Variants in GOLGA3 observed in about 807,000 individuals in gnomAD.
GOLGA3 encodes the protein golgin subfamily A member 3.
GOLGA3 carries 75 observed loss-of-function variants against 169.4 expected under a neutral mutation model. The ratio of observed to expected loss-of-function variants is 0.44; its 90% CI spans 0.37 to 0.54. The LOEUF is 0.54. GOLGA3 is among the 20% of genes least tolerant of loss of function. GOLGA3 has a pLI of 0.00. For synonymous variants in GOLGA3, 824 were observed against 822.4 expected (o/e 1.00, Z -0.03); for missense variants, 1,899 against 1,930.0 (o/e 0.98, Z 0.30).
intron 6 of GOLGA3, 34 bp from the exon 7 acceptor site, chr12:132,805,056 G>A (rs1263262422): frequency 6.3e-7 from 1 of 1,586,948 alleles, no homozygotes; most frequent in Admixed American, 1.7e-5. Flanking sequence ...ATGATTTTAA[G>A]AAAACGAGTC....
intron 15 of GOLGA3, 35 bp downstream of exon 15, chr12:132,786,304 G>C (rs756308334): frequency 1.4e-6 from 2 of 1,436,010 alleles, no homozygotes; most frequent in Non-Finnish European, 9.6e-7. Flanking sequence ...TGAGGGGCTG[G>C]TGACCCTGGC....
At chr12:132,782,919 A>G (rs907542182) in intron 16 of GOLGA3, among the ~76,000 whole-genome samples, 4 of 151,872 alleles carry the variant, frequency 2.6e-5, no homozygotes, top group African/African-American at 9.7e-5. Flanking sequence ...GAAACATCGA[A>G]AACTAAAACA....
intron 16 of GOLGA3, among the ~76,000 whole-genome samples, chr12:132,783,378 C>T (rs1264912218): frequency 6.6e-6 from 1 of 152,186 alleles, no homozygotes; most frequent in East Asian, 1.9e-4. Flanking sequence ...GAAGTCTGTC[C>T]AGGCACTGAG....
At chr12:132,785,220 ACCCCAG>A (rs2045834161) in intron 15 of GOLGA3, among the ~76,000 whole-genome samples, 1 of 152,020 alleles carries the variant, frequency 6.6e-6, no homozygotes, top group African/African-American at 2.4e-5. Flanking sequence ...CGACCTCCCC[ACCCCAG>A]CCCTTAGTGA....
Position 132,769,112 on chromosome 12 carries a change from T to C in GOLGA3, c.*3993A>G, listed in dbSNP as rs1034461220. 1.3e-5 allele frequency: 2 copies of C among 152,410 alleles called. No individual in the cohort carries two copies. The highest frequency in any genetic ancestry group is 4.8e-5 in the African/African-American group (2 of 41,460). The allele number at this position is 152,410 out of a possible 1,614,324, so 9.4% of individuals were successfully genotyped here. A position where few individuals can be genotyped will look rare whatever the true frequency, so the allele number is the denominator to read the frequency against. ...CAAGTAACTCAAAAGCACTGAATTT[T>C]CCAGACCCTCTAACACATTTCCCTC... On this transcript the variant is annotated 3_prime_UTR_variant, in exon 24 of 24. Transcript: ENST00000450791.
Position 132,770,230 on chromosome 12 carries a change from CT to C in GOLGA3, c.*2874del, listed in dbSNP as rs2044837862. The C allele has an allele frequency of 1.9e-5, 1 of 52,230 alleles. No homozygotes were observed. The highest frequency in any genetic ancestry group is 3.0e-5 in the Non-Finnish European group (1 of 33,042). The allele number at this position is 52,230 out of a possible 1,614,324, so 3.2% of individuals were successfully genotyped here. A position where few individuals can be genotyped will look rare whatever the true frequency, so the allele number is the denominator to read the frequency against. Reference sequence around the variant, plus strand: ...CCTGGGCGACAGAGCGAGACTCTGTCTCAAAAAAAAAAAAAAAAAATTCCAA... The same window carrying C: ...CCTGGGCGACAGAGCGAGACTCTGTCCAAAAAAAAAAAAAAAAAATTCCAA... On this transcript the variant is annotated 3_prime_UTR_variant, in exon 24 of 24. Coordinates refer to ENST00000450791, the MANE Select transcript of GOLGA3 (RefSeq NM_001389683.1).
chr12:132,783,865 T>G, intron 16 of GOLGA3: 2 of 1,419,404 alleles, frequency 1.4e-6, no homozygotes, highest in Non-Finnish European at 1.8e-6. Context: ...CATGAGCCAC[T>G]CGCCTGGCGA....
intron 6 of GOLGA3, 140 bp from the exon 7 acceptor site, chr12:132,805,162 C>A (rs952603161): frequency 4.5e-6 from 4 of 889,728 alleles, no homozygotes; most frequent in Non-Finnish European, 5.0e-6. Context: ...CAAGGCCTGA[C>A]AGAGGACCCC....
At chr12:132,816,469 G>A (rs1363635242) in intron 3 of GOLGA3, 71 bp downstream of exon 3, 1 of 1,498,916 alleles carries the variant, frequency 6.7e-7, no homozygotes, top group African/African-American at 1.4e-5. Flanking sequence ...TGAGTGCGCA[G>A]GGCACCTGCT....
In GOLGA3 at chr12:132,770,557, C is replaced by G. The variant is rs1179319910; in HGVS notation, c.*2548G>C. 6.9e-6 allele frequency: 1 copy of G among 145,594 alleles called. No individual in the cohort carries two copies. Among genetic ancestry groups the G allele is most frequent in the Non-Finnish European group, 1.5e-5 (1 of 67,054 alleles). The allele number at this position is 145,594 out of a possible 1,614,324, so 9.0% of individuals were successfully genotyped here. A position where few individuals can be genotyped will look rare whatever the true frequency, so the allele number is the denominator to read the frequency against. ...AAAAAAAAATACATGGTGAACATCA[C>G]TCACTTGAGGACTTCCCATAAGCAA... On this transcript the variant is annotated 3_prime_UTR_variant, in exon 24 of 24. Transcript: ENST00000450791.
rs112064805 is a variant in GOLGA3, at chr12:132,774,998, T to C, written c.4143+143A>G. The stretch of plus-strand genomic sequence containing the variant: ...TGAAATGATTTCATCTGTCACCCCA[T>C]TACCACTGACTACACAGCAGCTGCT... On this transcript the variant is annotated intron_variant, in intron 22 of 23. Transcript: ENST00000450791. 131 of 635,912 alleles carry C rather than the reference T, an allele frequency of 2.1e-4. 1 individual carries two copies. Among genetic ancestry groups the C allele is most frequent in the African/African-American group, 1.8e-3 (99 of 54,534 alleles). The allele number at this position is 635,912 out of a possible 1,614,324, so 39.4% of individuals were successfully genotyped here. A position where few individuals can be genotyped will look rare whatever the true frequency, so the allele number is the denominator to read the frequency against.
intron 2 of GOLGA3, among the ~76,000 whole-genome samples, chr12:132,818,835 C>T (rs1189230905): frequency 6.6e-6 from 1 of 152,092 alleles, no homozygotes; most frequent in African/African-American, 2.4e-5. Flanking sequence ...AACCGCGCTT[C>T]TGCTTGATGA....
chr12:132,798,629 C>G, intron 8 of GOLGA3, 152 bp from the exon 9 acceptor site: 1 of 316,462 alleles, frequency 3.2e-6, no homozygotes, highest in Non-Finnish European at 5.9e-6. Flanking sequence ...GTCTTCCCAT[C>G]TCAAAATATG....
chr12:132,809,090 C>T (rs1209273577), intron 4 of GOLGA3, among the ~76,000 whole-genome samples: 7 of 152,192 alleles, frequency 4.6e-5, no homozygotes, highest in Admixed American at 1.3e-4. Context: ...GGTAAGGTCA[C>T]GTGGGTCACG....
chr12:132,775,180 C>T lies in GOLGA3; in HGVS notation c.4104G>A (p.Gln1368=), dbSNP rs1248917702. Residue 1368 remains glutamine, a synonymous_variant, in exon 22 of 24, where the codon CAG becomes CAA. Transcript: ENST00000450791. ...NNMKTLLQQN[Q]QLKLDLRRGA... is the part of the protein sequence containing the mutation. ...CGCGGCGTAGGTCCAGCTTGAGCTG[C>T]TGGTTCTGCTGGAGCAGGGTCTTCA... 1 of 1,614,138 alleles carries T rather than the reference C, an allele frequency of 6.2e-7. No homozygotes were observed. The highest frequency in any genetic ancestry group is 2.2e-5 in the East Asian group (1 of 44,894).
chr12:132,777,588 T>C lies in GOLGA3; in HGVS notation c.3722+78A>G. ...TTTGCAAAATATAGATGACCCTCGCTGTGCTGAAGGTGTGAATTAGACCCC... is the reference window on the plus strand; with the variant it reads ...TTTGCAAAATATAGATGACCCTCGCCGTGCTGAAGGTGTGAATTAGACCCC... On this transcript the variant is annotated intron_variant, in intron 19 of 23. Transcript: ENST00000450791. This position sits in a 1 kb window ranked among gnomAD's most constrained non-coding sequence, Gnocchi z 4.7. 2.0e-6 allele frequency: 3 copies of C among 1,508,026 alleles called. No individual in the cohort carries two copies. The highest frequency in any genetic ancestry group is 2.4e-5 in the South Asian group (2 of 85,036). 93.4% of individuals were successfully genotyped at this position (1,508,026 alleles called of 1,614,324 possible).
intron 11 of GOLGA3, among the ~76,000 whole-genome samples, chr12:132,795,488 A>C (rs1948786072): frequency 6.6e-6 from 1 of 150,998 alleles, no homozygotes; most frequent in African/African-American, 2.4e-5. Flanking sequence ...TTAGCCAGGC[A>C]TGGTGGTTCA....
Position 132,798,444 on chromosome 12 carries a change from G to A in GOLGA3, c.1834C>T (p.His612Tyr). Residue 612 changes from histidine to tyrosine, a missense_variant, in exon 9 of 24, where the codon CAC becomes TAC. Coordinates refer to ENST00000450791, the MANE Select transcript of GOLGA3 (RefSeq NM_001389683.1). ...AGGGACACATTCTCGAGTTTCAGGT[G>A]CTCCAGGAGACCTGCCTGGGTCATC... is the stretch of plus-strand genomic sequence containing the variant. ...GQMTQAGLLE[H>Y]LKLENVSLSQ... 1.2e-6 allele frequency: 2 copies of A among 1,612,692 alleles called. No individual in the cohort carries two copies. Among genetic ancestry groups the A allele is most frequent in the Non-Finnish European group, 8.5e-7 (1 of 1,179,406 alleles).
Position 132,795,863 on chromosome 12 carries a change from T to C in GOLGA3, c.2458A>G (p.Lys820Glu), listed in dbSNP as rs61951355. The change falls in exon 11 of 24, where the codon AAA (lysine) becomes GAA (glutamate). Residue 820 changes from lysine (K) to glutamate (E), a missense_variant. Coordinates refer to ENST00000450791, the MANE Select transcript of GOLGA3 (RefSeq NM_001389683.1). ...LEKLREELAI[K>E]SGQVEHLQQE... ...GCAGAATGCATTACCTGGCCGGATTTGATAGCTAATTCTTCTCTTAACTTC... is the reference window on the plus strand; with the variant it reads ...GCAGAATGCATTACCTGGCCGGATTCGATAGCTAATTCTTCTCTTAACTTC... 1.3e-5 allele frequency: 21 copies of C among 1,611,730 alleles called. No individual in the cohort carries two copies. Among genetic ancestry groups the C allele is most frequent in the Non-Finnish European group, 1.7e-5 (20 of 1,178,036 alleles).
Sources: allele counts gnomAD v4.1 joint callset (sites outside exome capture counted in the v4.1 genomes callset), GRCh38; gene constraint gnomAD v4.1.1; non-coding constraint Gnocchi (gnomAD v3.1); transcripts MANE v1.5; gene names NCBI Gene and HGNC (gene_info 2026-07-23, HGNC 2026-07-21).